Variants in GRM7 observed in about 807,000 individuals in gnomAD.
GRM7 encodes glutamate metabotropic receptor 7, also known as metabotropic glutamate receptor 7.
A neutral mutation model predicts 84.5 loss-of-function variants in GRM7; 35 were observed. The ratio of observed to expected loss-of-function variants is 0.41; its 90% CI spans 0.32 to 0.55. The LOEUF (loss-of-function observed/expected upper bound fraction) is 0.55. GRM7 is among the 20% of genes least tolerant of loss of function. The pLI is 0.19. For missense variants in GRM7, 1,003 were observed against 1,194.6 expected (o/e 0.84, Z 2.36); for synonymous variants, 487 against 455.1 (o/e 1.07, Z -0.89).
chr3:7,115,434 C>T (rs1340557086), intron 1 of GRM7, among the ~76,000 whole-genome samples: 2 of 152,120 alleles, frequency 1.3e-5, no homozygotes, highest in African/African-American at 2.4e-5. Context: ...TCCCCCTTTT[C>T]CTGTGTTGCT....
intron 8 of GRM7, among the ~76,000 whole-genome samples, chr3:7,673,421 G>T (rs571577670): frequency 1.3e-5 from 2 of 151,492 alleles, no homozygotes; most frequent in South Asian, 4.2e-4. Context: ...TTCTTAAAAG[G>T]TCACCTTGCC....
In GRM7 at chr3:7,076,975, C is replaced by T. The variant is rs548567572; in HGVS notation, c.520-69477C>T. On this transcript the variant is annotated intron_variant, in intron 1 of 9. Transcript: ENST00000357716. The stretch of plus-strand genomic sequence containing the variant: ...CAGCCAACAAACATATGAAAAAATG[C>T]TCATCATCACTGGTCATTAGAGAAA... 4.6e-5 allele frequency among the ~76,000 whole-genome samples: 7 copies of T among 152,240 alleles called. No homozygotes were observed. In the South Asian group the frequency reaches 1.5e-3, roughly 32 times the overall value.
intron 4 of GRM7, among the ~76,000 whole-genome samples, chr3:7,355,410 A>C (rs1198934330): frequency 6.6e-6 from 1 of 152,130 alleles, no homozygotes; most frequent in Non-Finnish European, 1.5e-5. Context: ...CCCTTGGTCC[A>C]TATGATTCAC....
chr3:7,469,743 T>G (rs1698619691), intron 7 of GRM7, among the ~76,000 whole-genome samples: 1 of 152,124 alleles, frequency 6.6e-6, no homozygotes, highest in African/African-American at 2.4e-5. Context: ...GTAACAAGAG[T>G]TATTTTTATT....
At chr3:7,357,137 T>C (rs1160300619) in intron 4 of GRM7, among the ~76,000 whole-genome samples, 1 of 151,652 alleles carries the variant, frequency 6.6e-6, no homozygotes, top group African/African-American at 2.4e-5. Flanking sequence ...AACAAAAAAA[T>C]TATTAAATGG....
intron 9 of GRM7, among the ~76,000 whole-genome samples, chr3:7,712,638 CTTTT>C (rs745932067): frequency 6.7e-5 from 9 of 135,166 alleles, no homozygotes; most frequent in African/African-American, 1.3e-4. Context: ...TTTCTTTGTT[CTTTT>C]TTTTGTTTGT....
At chr3:7,717,978 T>G (rs1395719600) in intron 9 of GRM7, among the ~76,000 whole-genome samples, 1 of 152,210 alleles carries the variant, frequency 6.6e-6, no homozygotes, top group Non-Finnish European at 1.5e-5. Context: ...TATTTCCATT[T>G]TCCAAGATGA....
chr3:7,596,868 T>C (rs1029772390), intron 8 of GRM7, among the ~76,000 whole-genome samples: 31 of 151,890 alleles, frequency 2.0e-4, no homozygotes, highest in African/African-American at 7.3e-4. Flanking sequence ...GTGGAGAGGG[T>C]TATAGGATCA....
chr3:6,948,499 T>C (rs143673518), intron 1 of GRM7, among the ~76,000 whole-genome samples: 1 of 152,146 alleles, frequency 6.6e-6, no homozygotes, highest in African/African-American at 2.4e-5. Context: ...TTGGAATAGG[T>C]GTGGTGTGGT....
chr3:7,135,732 T>C (rs1161948278), intron 1 of GRM7, among the ~76,000 whole-genome samples: 1 of 151,954 alleles, frequency 6.6e-6, no homozygotes, highest in Non-Finnish European at 1.5e-5. Context: ...GAAAAAAATA[T>C]AATATACAGA....
chr3:7,330,507 A>G (rs752373019), intron 4 of GRM7, among the ~76,000 whole-genome samples: 3 of 152,100 alleles, frequency 2.0e-5, no homozygotes, highest in Non-Finnish European at 2.9e-5. Context: ...TAGATCCTGT[A>G]ATTCCCACAT....
At position 7,505,372 on chromosome 3, in the gene GRM7, C is replaced by A. The variant is rs560684507; in HGVS notation, c.1515+43650C>A. On this transcript the variant is annotated intron_variant, in intron 7 of 9. Transcript: ENST00000357716. ...TCTTGAGTCTTGAGGGTGACCCTGA[C>A]CCTATGGCTTTACTGGGCATTGCCC... Among the ~76,000 whole-genome samples, 10 of 152,348 alleles carry A rather than the reference C, an allele frequency of 6.6e-5. No homozygotes were observed. The East Asian group carries it at 1.9e-3, about 29-fold the overall frequency.
intron 1 of GRM7, among the ~76,000 whole-genome samples, chr3:6,892,014 G>T (rs188049319): frequency 3.3e-5 from 5 of 152,146 alleles, no homozygotes; most frequent in Admixed American, 3.3e-4. Flanking sequence ...CTTTCTTCCA[G>T]TTGGTTGCAT....
chr3:6,924,692 A>G (rs1282551961), intron 1 of GRM7, among the ~76,000 whole-genome samples: 3 of 151,870 alleles, frequency 2.0e-5, no homozygotes, highest in Non-Finnish European at 4.4e-5. Flanking sequence ...CATAGAAGCC[A>G]GTTTTATAGA....
chr3:7,093,299 A>C (rs1207804882), intron 1 of GRM7, among the ~76,000 whole-genome samples: 2 of 151,952 alleles, frequency 1.3e-5, no homozygotes, highest in Non-Finnish European at 2.9e-5. Flanking sequence ...GGCAAGTATT[A>C]CTGGCTTCAT....
At chr3:7,028,177 T>C (rs1179544880) in intron 1 of GRM7, among the ~76,000 whole-genome samples, 9 of 152,192 alleles carry the variant, frequency 5.9e-5, no homozygotes, top group Admixed American at 5.9e-4. Context: ...AAGTGGACAT[T>C]TACAAAGTCA....
chr3:7,334,074 G>C lies in GRM7; in HGVS notation c.1033+27422G>C, dbSNP rs142387055. 3.9e-3 allele frequency among the ~76,000 whole-genome samples: 594 copies of C among 152,052 alleles called. 5 individuals are homozygous for C. Among genetic ancestry groups the C allele is most frequent in the African/African-American group, 0.013 (546 of 41,490 alleles). On this transcript the variant is annotated intron_variant, in intron 4 of 9. Coordinates refer to ENST00000357716, the MANE Select transcript of GRM7 (RefSeq NM_000844.4). The stretch of plus-strand genomic sequence containing the variant: ...AGGAAAACTTCCTTGGTCTTGCTAG[G>C]GAGCTAGACATCCAAATACAAATAG...
intron 7 of GRM7, among the ~76,000 whole-genome samples, chr3:7,502,401 A>G (rs1298781392): frequency 6.6e-6 from 1 of 152,182 alleles, no homozygotes; most frequent in Admixed American, 6.6e-5. Flanking sequence ...AAGACACAAA[A>G]TAAGTCTGTT....
chr3:7,560,880 C>T (rs1693992750), intron 7 of GRM7, among the ~76,000 whole-genome samples: 1 of 152,110 alleles, frequency 6.6e-6, no homozygotes, highest in African/African-American at 2.4e-5. Context: ...TTATTTTTGC[C>T]TTGGCCGTTT....
Sources: gnomAD v4.1 joint callset for allele counts (sites outside exome capture counted in the v4.1 genomes callset) on GRCh38, gnomAD v4.1.1 for gene constraint, MANE v1.5 for transcripts, NCBI Gene and HGNC (gene_info 2026-07-23, HGNC 2026-07-21) for gene names.